TMEM272: variants seen among roughly 807,000 people sequenced by gnomAD.
TMEM272 encodes long intergenic non-protein coding RNA 282.
Under a neutral mutation model 3.7 loss-of-function variants are expected in TMEM272, and 8 were observed. That is an observed-to-expected ratio of 2.17 (90% confidence interval 1.27 to 3.91). The LOEUF is 3.91. TMEM272 is among the 30% of genes most tolerant of loss of function. The pLI, the probability that TMEM272 is intolerant of heterozygous loss-of-function variation, is 0.00. For missense variants in TMEM272, 166 were observed against 91.5 expected, an observed-to-expected ratio of 1.81 and a Z score of -3.32; for synonymous variants, 63 against 39.8, an observed-to-expected ratio of 1.58 and a Z score of -2.20.
the TMEM272 span, among the ~76,000 whole-genome samples, chr13:51,892,959 G>A: frequency 6.6e-6 from 1 of 152,212 alleles, no homozygotes; most frequent in African/African-American, 2.4e-5. Context: ...ACTGCACCCT[G>A]ACTACAACAC....
At chr13:51,909,958 G>A in the TMEM272 span, 10 of 1,594,680 alleles carry the variant, frequency 6.3e-6, no homozygotes, top group Non-Finnish European at 8.6e-6. Context: ...AGCTGTTTCT[G>A]GCTTTCCTGA....
the TMEM272 span, among the ~76,000 whole-genome samples, chr13:51,901,410 C>T: frequency 6.6e-6 from 1 of 152,090 alleles, no homozygotes; most frequent in African/African-American, 2.4e-5. Context: ...GGGTGGCGCC[C>T]GGTGGAGCTG....
At chr13:51,820,599 C>T (rs933994211) in intron 4 of TMEM272, among the ~76,000 whole-genome samples, 21 of 152,154 alleles carry the variant, frequency 1.4e-4, no homozygotes, top group Non-Finnish European at 2.9e-4. Context: ...GGAACAGACC[C>T]CACGGACAGT....
chr13:51,865,832 G>C, the TMEM272 span: 1 of 1,614,188 alleles, frequency 6.2e-7, no homozygotes, highest in South Asian at 1.1e-5. Flanking sequence ...CCTTCTTCAG[G>C]AGGACAAGGC....
intron 2 of TMEM272, among the ~76,000 whole-genome samples, chr13:51,828,962 C>T (rs762646476): frequency 1.4e-4 from 21 of 152,222 alleles, no homozygotes; most frequent in Non-Finnish European, 2.5e-4. Context: ...AGGAACTCCA[C>T]CAACCCCTTT....
chr13:51,823,696 T>A (rs12428376), intron 3 of TMEM272, among the ~76,000 whole-genome samples: 7,753 of 152,382 alleles, frequency 0.051, 272 homozygotes, highest in Admixed American at 0.095. Flanking sequence ...CAAAGCCTCC[T>A]GTTTAAATGA....
the TMEM272 span, among the ~76,000 whole-genome samples, chr13:51,889,613 G>A: frequency 4.0e-5 from 6 of 151,414 alleles, no homozygotes; most frequent in East Asian, 1.9e-4. Flanking sequence ...CACCCAATCC[G>A]ATTTGTTTTT....
chr13:51,852,706 C>T, the TMEM272 span, among the ~76,000 whole-genome samples: 324 of 152,042 alleles, frequency 2.1e-3, 1 homozygote, highest in African/African-American at 7.2e-3. Flanking sequence ...GGTGTAACCC[C>T]GTCTCTACTA....
the TMEM272 span, among the ~76,000 whole-genome samples, chr13:51,863,709 A>ACACAC: frequency 1.5e-5 from 1 of 64,866 alleles, no homozygotes; most frequent in Non-Finnish European, 3.5e-5. Flanking sequence ...ACACACACAC[A>ACACAC]CCAGCTATGT....
the TMEM272 span, among the ~76,000 whole-genome samples, chr13:51,874,555 C>G: frequency 6.6e-6 from 1 of 152,064 alleles, no homozygotes; most frequent in Admixed American, 6.6e-5. Context: ...CCTGCCCCTT[C>G]CCAATGAGGA....
At chr13:51,875,814 C>T in the TMEM272 span, among the ~76,000 whole-genome samples, 6 of 152,338 alleles carry the variant, frequency 3.9e-5, no homozygotes, top group South Asian at 6.2e-4. Context: ...CCAGACATAC[C>T]TTACTGAAGG....
chr13:51,845,829 T>C (rs1956300475), upstream of TMEM272, among the ~76,000 whole-genome samples: 3 of 152,348 alleles, frequency 2.0e-5, no homozygotes, highest in Admixed American at 6.5e-5. Context: ...TCTCAATCTG[T>C]AGGTCTGGGC....
upstream of TMEM272, among the ~76,000 whole-genome samples, chr13:51,849,420 T>C (rs1956321135): frequency 6.6e-6 from 1 of 152,212 alleles, no homozygotes; most frequent in East Asian, 1.9e-4. Flanking sequence ...TGCACAACAA[T>C]GTGAATATTC....
the TMEM272 span, among the ~76,000 whole-genome samples, chr13:51,929,192 T>A: frequency 6.6e-6 from 1 of 151,336 alleles, no homozygotes; most frequent in South Asian, 2.1e-4. Flanking sequence ...TGAGACTCCA[T>A]CTCAAAAAAA....
chr13:51,835,224 CTTTCTT>C (rs1566349245), intron 2 of TMEM272, among the ~76,000 whole-genome samples: 1 of 25,856 alleles, frequency 3.9e-5, no homozygotes, highest in Non-Finnish European at 1.2e-4. Context: ...CTTTTATTTT[CTTTCTT>C]TTTTTTTTTT....
chr13:51,908,931 T>A, the TMEM272 span: 3 of 1,377,496 alleles, frequency 2.2e-6, no homozygotes, highest in Non-Finnish European at 2.1e-6. Context: ...AATCTGGTGG[T>A]CCAGAGGATT....
chr13:51,844,382 T>C (rs1956287739), intron 1 of TMEM272, among the ~76,000 whole-genome samples: 2 of 152,172 alleles, frequency 1.3e-5, no homozygotes, highest in Admixed American at 1.3e-4. Flanking sequence ...CCATACCTGT[T>C]CCTTCAAAGC....
the TMEM272 span, among the ~76,000 whole-genome samples, chr13:51,890,753 G>A: frequency 6.6e-6 from 1 of 152,166 alleles, no homozygotes; most frequent in Non-Finnish European, 1.5e-5. Flanking sequence ...CTCGTGCTAG[G>A]TGCATGAGGA....
At chr13:51,835,563 T>C (rs560159087) in intron 2 of TMEM272, among the ~76,000 whole-genome samples, 1 of 152,216 alleles carries the variant, frequency 6.6e-6, no homozygotes, top group African/African-American at 2.4e-5. Context: ...TGTAGCTTTA[T>C]AGGAAATGTG....
Sources: allele counts gnomAD v4.1 joint callset (sites outside exome capture counted in the v4.1 genomes callset), GRCh38; gene constraint gnomAD v4.1.1; transcripts MANE v1.5; gene names NCBI Gene and HGNC (gene_info 2026-07-23, HGNC 2026-07-21).